SCARA3: variants seen among roughly 807,000 people sequenced by gnomAD.
SCARA3 encodes cellular stress response gene protein.
A neutral mutation model predicts 47.0 loss-of-function variants in SCARA3; 39 were observed. The ratio of observed to expected loss-of-function variants is 0.83; its 90% CI spans 0.64 to 1.08. The LOEUF is 1.08. Among genes scored for constraint, SCARA3 ranks in the 50% least tolerant of loss-of-function variants. The probability of loss-of-function intolerance (pLI) is 0.00; values close to 1 mark genes in which losing one functional copy is unlikely to be tolerated. For missense variants in SCARA3, 724 were observed against 792.3 expected (o/e 0.91, Z 1.04); for synonymous variants, 356 against 334.1 (o/e 1.07, Z -0.71).
chr8:27,676,624 G>A (rs1413183926), downstream of SCARA3: 16 of 1,315,450 alleles, frequency 1.2e-5, no homozygotes, highest in Non-Finnish European at 1.8e-5. Context: ...ATAAAGCCCA[G>A]GATGACCAAG....
chr8:27,670,766 C>A, intron 5 of SCARA3, 134 bp from the exon 6 acceptor site: 1 of 693,314 alleles, frequency 1.4e-6, no homozygotes, highest in Non-Finnish European at 2.4e-6. Context: ...ATCGGCAAGC[C>A]TTGCAGTGAG....
intron 5 of SCARA3, among the ~76,000 whole-genome samples, chr8:27,664,429 G>A (rs924402664): frequency 3.9e-5 from 6 of 152,178 alleles, no homozygotes; most frequent in Non-Finnish European, 8.8e-5. Context: ...TGAGGATGGG[G>A]GAGGGAGTTT....
rs868404162 is a variant in SCARA3, at chr8:27,672,046, G to A, written c.*695G>A. Reference sequence around the variant, plus strand: ...GCCCCAAGGAAACCTTTGCGGGTGGGGCGTTACTGCCAAAACTCCAGAGGC... The same window carrying A: ...GCCCCAAGGAAACCTTTGCGGGTGGAGCGTTACTGCCAAAACTCCAGAGGC... On this transcript the variant is annotated 3_prime_UTR_variant, in exon 6 of 6. Transcript: ENST00000301904. 73 of 985,356 alleles carry A rather than the reference G, an allele frequency of 7.4e-5. No individual in the cohort carries two copies. In the Middle Eastern group the frequency reaches 3.7e-3, roughly 49 times the overall value. The allele number at this position is 985,356 out of a possible 1,614,324, so 61.0% of individuals were successfully genotyped here. A position where few individuals can be genotyped will look rare whatever the true frequency, so the allele number is the denominator to read the frequency against.
downstream of SCARA3, among the ~76,000 whole-genome samples, chr8:27,679,444 A>C (rs548514462): frequency 6.6e-6 from 1 of 152,332 alleles, no homozygotes; most frequent in South Asian, 2.1e-4. Context: ...CTCATAAGTC[A>C]AAAATATTAA....
At chr8:27,654,971 G>A (rs1191616026) in intron 3 of SCARA3, among the ~76,000 whole-genome samples, 1 of 152,114 alleles carries the variant, frequency 6.6e-6, no homozygotes, top group African/African-American at 2.4e-5. Context: ...TTAATTGTAG[G>A]GAGGCTCAAA....
the SCARA3 span, among the ~76,000 whole-genome samples, chr8:27,714,440 G>C: frequency 6.6e-6 from 1 of 151,908 alleles, no homozygotes; most frequent in Non-Finnish European, 1.5e-5. Flanking sequence ...TGATCCACCC[G>C]CCTCGGCCTC....
downstream of SCARA3, chr8:27,679,715 G>C (rs1388996730): frequency 6.6e-6 from 1 of 152,164 alleles, no homozygotes; most frequent in Non-Finnish European, 1.5e-5. Flanking sequence ...ACCATGTGCT[G>C]AGCCATAAGG....
the SCARA3 span, among the ~76,000 whole-genome samples, chr8:27,715,673 A>G: frequency 6.6e-6 from 1 of 152,162 alleles, no homozygotes; most frequent in Admixed American, 6.5e-5. The surrounding 1 kb of genome is among the most constrained non-coding windows in gnomAD (Gnocchi z 4.2). Context: ...GAACAGACAG[A>G]CTGACAGATA....
At chr8:27,647,170 CAT>C (rs1247509688) in intron 1 of SCARA3, among the ~76,000 whole-genome samples, 2 of 152,162 alleles carry the variant, frequency 1.3e-5, no homozygotes, top group Non-Finnish European at 2.9e-5. Context: ...CACGTGCACA[CAT>C]GTGCAAGCAC....
At chr8:27,731,109 T>C in the SCARA3 span, among the ~76,000 whole-genome samples, 1 of 149,424 alleles carries the variant, frequency 6.7e-6, no homozygotes, top group Admixed American at 6.6e-5. Flanking sequence ...TTCTTTTTTT[T>C]TTTTTAAATA....
the SCARA3 span, among the ~76,000 whole-genome samples, chr8:27,728,864 A>G: frequency 1.3e-5 from 2 of 152,150 alleles, no homozygotes; most frequent in Non-Finnish European, 2.9e-5. Flanking sequence ...ACTGTACACA[A>G]AATTAAAAAC....
intron 5 of SCARA3, among the ~76,000 whole-genome samples, chr8:27,663,451 C>T (rs1244732503): frequency 6.6e-6 from 1 of 152,206 alleles, no homozygotes; most frequent in Non-Finnish European, 1.5e-5. Context: ...CTTATGTGTG[C>T]CTTCAGCGCC....
chr8:27,715,592 T>C, the SCARA3 span, among the ~76,000 whole-genome samples: 2 of 27,922 alleles, frequency 7.2e-5, no homozygotes, highest in East Asian at 1.8e-3. This position sits in a 1 kb window ranked among gnomAD's most constrained non-coding sequence, Gnocchi z 4.2. Flanking sequence ...AGATAGATGA[T>C]AGATAGATAG....
chr8:27,637,162 G>T (rs1416465488), intron 1 of SCARA3, among the ~76,000 whole-genome samples: 1 of 152,224 alleles, frequency 6.6e-6, no homozygotes, highest in Non-Finnish European at 1.5e-5. Flanking sequence ...GAGTGCCAGG[G>T]CCCACTCTGC....
chr8:27,722,694 T>C, the SCARA3 span, among the ~76,000 whole-genome samples: 2 of 152,198 alleles, frequency 1.3e-5, no homozygotes, highest in African/African-American at 4.8e-5. Context: ...TTTTTCTCCT[T>C]AGCCTTTCTC....
intron 3 of SCARA3, 67 bp from the exon 4 acceptor site, chr8:27,656,715 T>A: frequency 1.0e-6 from 1 of 991,488 alleles, no homozygotes; most frequent in Non-Finnish European, 1.6e-6. Flanking sequence ...AGATGCCTTC[T>A]CAAGGAATGA....
chr8:27,654,378 A>G (rs900165831), intron 3 of SCARA3, among the ~76,000 whole-genome samples: 1 of 152,226 alleles, frequency 6.6e-6, no homozygotes, highest in Non-Finnish European at 1.5e-5. Context: ...ATAATTTTAT[A>G]AGGATGAAGA....
chr8:27,706,638 T>C, the SCARA3 span, among the ~76,000 whole-genome samples: 57 of 151,732 alleles, frequency 3.8e-4, no homozygotes, highest in African/African-American at 1.3e-3. Context: ...GCAGCAGAGG[T>C]CTGAGCTGTG....
Position 27,670,947 on chromosome 8 carries a change from G to A in SCARA3, c.1417G>A (p.Val473Met), listed in dbSNP as rs147324406. ...AAGAGGATTCAAAGGAGATATGGGC[G>A]TGAAAGGGCCTGTTGGCGGCAGAGG... ...GPRGFKGDMG[V>M]KGPVGGRGPK... The change falls in exon 6 of 6, where the codon GTG (valine) becomes ATG (methionine). Residue 473 changes from valine to methionine, a missense_variant. Val to Met is a conservative substitution (Grantham distance 21). Coordinates refer to ENST00000301904, the MANE Select transcript of SCARA3 (RefSeq NM_016240.3). 1.3e-3 allele frequency: 2,096 copies of A among 1,588,582 alleles called. 20 individuals are homozygous for A. Among genetic ancestry groups the A allele is most frequent in the Middle Eastern group, 2.1e-3 (12 of 5,848 alleles).
Sources: allele counts gnomAD v4.1 joint callset (sites outside exome capture counted in the v4.1 genomes callset), GRCh38; gene constraint gnomAD v4.1.1; non-coding constraint Gnocchi (gnomAD v3.1); transcripts MANE v1.5; gene names NCBI Gene and HGNC (gene_info 2026-07-23, HGNC 2026-07-21).